Variants in PLA2G12B observed in about 807,000 individuals in gnomAD.
The protein encoded by PLA2G12B is group XIIB secretory phospholipase A2-like protein.
PLA2G12B carries 19 observed loss-of-function variants against 22.3 expected under a neutral mutation model. The ratio of observed to expected loss-of-function variants is 0.85; its 90% CI spans 0.60 to 1.25. The LOEUF (loss-of-function observed/expected upper bound fraction) is 1.25. PLA2G12B is among the 50% of genes most tolerant of loss of function. The probability of loss-of-function intolerance (pLI) is 0.00; values close to 1 mark genes in which losing one functional copy is unlikely to be tolerated. For synonymous variants in PLA2G12B, 81 were observed against 94.9 expected (o/e 0.85, Z 0.85); for missense variants, 191 against 246.6 (o/e 0.77, Z 1.51).
At position 72,935,526 on chromosome 10, in the gene PLA2G12B, G is replaced by T; in HGVS notation, c.*91C>A. ...CTTTGTGGTGTCCAAACTGTTGGAA[G>T]AACGAATGAGTCACGCTGACTCGAA... On this transcript the variant is annotated 3_prime_UTR_variant, in exon 4 of 4. Transcript: ENST00000373032. 6.5e-7 allele frequency: 1 copy of T among 1,541,104 alleles called. No individual in the cohort carries two copies. Among genetic ancestry groups the T allele is most frequent in the South Asian group, 1.2e-5 (1 of 80,394 alleles).
In PLA2G12B at chr10:72,950,626, C is replaced by T. The variant is rs1236254307; in HGVS notation, c.211+3849G>A. Among the ~76,000 whole-genome samples, 6 of 152,126 alleles carry T rather than the reference C, an allele frequency of 3.9e-5. No homozygotes were observed. In the East Asian group the frequency reaches 5.8e-4, roughly 15 times the overall value. On this transcript the variant is annotated intron_variant, in intron 1 of 3. Transcript: ENST00000373032. ...CTCCCAGGTAGCTGGGATTACAGGGCGCGCCACCACGCCCGGCTAATTTTT... is the reference window on the plus strand; with the variant it reads ...CTCCCAGGTAGCTGGGATTACAGGGTGCGCCACCACGCCCGGCTAATTTTT...
chr10:72,942,149 G>GGTGT (rs34740594), intron 2 of PLA2G12B, among the ~76,000 whole-genome samples: 2,892 of 135,968 alleles, frequency 0.021, 50 homozygotes, highest in East Asian at 0.048. Flanking sequence ...CAGGGCGTCG[G>GGTGT]GTGTGTGTGT....
Position 72,954,384 on chromosome 10 carries a change from G to A in PLA2G12B, c.211+91C>T, listed in dbSNP as rs1391217826. On this transcript the variant is annotated intron_variant, in intron 1 of 3. Coordinates refer to ENST00000373032, the MANE Select transcript of PLA2G12B (RefSeq NM_032562.5). Reference sequence around the variant, plus strand: ...ATCTGGCAGCTCTAAGTGGATAACAGGAAAAAGTGCAAGACAGATCGTGAC... The same window carrying A: ...ATCTGGCAGCTCTAAGTGGATAACAAGAAAAAGTGCAAGACAGATCGTGAC... The A allele has an allele frequency of 4.0e-6, 6 of 1,518,366 alleles. No homozygotes were observed. The Admixed American group carries it at 7.1e-5, about 18-fold the overall frequency. The allele number at this position is 1,518,366 out of a possible 1,614,324, so 94.1% of individuals were successfully genotyped here. A position where few individuals can be genotyped will look rare whatever the true frequency, so the allele number is the denominator to read the frequency against.
At chr10:72,950,218 C>G (rs992821339) in intron 1 of PLA2G12B, among the ~76,000 whole-genome samples, 2 of 152,158 alleles carry the variant, frequency 1.3e-5, no homozygotes, top group African/African-American at 2.4e-5. Context: ...CTGAAAGTCT[C>G]ACATCCCAGG....
At chr10:72,953,899 T>A (rs1352962470) in intron 1 of PLA2G12B, among the ~76,000 whole-genome samples, 1 of 152,196 alleles carries the variant, frequency 6.6e-6, no homozygotes, top group African/African-American at 2.4e-5. Context: ...GACAGCTCCC[T>A]TGAGAAAGTC....
chr10:72,938,095 AAG>A (rs1846305412), intron 3 of PLA2G12B, among the ~76,000 whole-genome samples: 1 of 151,328 alleles, frequency 6.6e-6, no homozygotes, highest in Non-Finnish European at 1.5e-5. Flanking sequence ...GCCTGGGTGT[AAG>A]AGTGAAACTC....
Position 72,954,471 on chromosome 10 carries a change from T to A in PLA2G12B, c.211+4A>T, listed in dbSNP as rs918435737. The A allele has an allele frequency of 1.9e-6, 3 of 1,614,024 alleles. No homozygotes were observed. In the African/African-American group the frequency reaches 4.0e-5, roughly 22 times the overall value. ...TTTTACAGAAAGAGAAACCGCACAC[T>A]CACCATATCGGCACCTGTACTGACA... On this transcript the variant is annotated splice_donor_region_variant and intron_variant, in intron 1 of 3. Coordinates refer to ENST00000373032, the MANE Select transcript of PLA2G12B (RefSeq NM_032562.5).
In PLA2G12B at chr10:72,954,615, C is replaced by G. The variant is rs770919510; in HGVS notation, c.71G>C (p.Ser24Thr). The change falls in exon 1 of 4, where the codon AGC becomes ACC. Residue 24 changes from serine (S) to threonine (T), a missense_variant. Ser to Thr is a moderately conservative substitution (Grantham distance 58). Coordinates refer to ENST00000373032, the MANE Select transcript of PLA2G12B (RefSeq NM_032562.5). ...TGAATAGGACTCCTCCGTGTCAGGG[C>G]TCGTGTCGCTCTGAGCCAGGCCACC... ...LGGGLAQSDTSPDTEESYSDW... is the reference protein window; with the variant it reads ...LGGGLAQSDTTPDTEESYSDW... 1.2e-6 allele frequency: 2 copies of G among 1,614,168 alleles called. No homozygotes were observed. The highest frequency in any genetic ancestry group is 1.7e-6 in the Non-Finnish European group (2 of 1,180,038).
In PLA2G12B at chr10:72,954,761, AC is replaced by A; in HGVS notation, c.-77del. ...CCAGAATTCCAGGGACAAACCCCCT[AC>A]CCAGATGTCAGGCAGGACTGGGAAA... is the stretch of plus-strand genomic sequence containing the variant. On this transcript the variant is annotated 5_prime_UTR_variant, in exon 1 of 4. An upstream open reading frame in the 5' UTR gains an earlier in-frame stop. Coordinates refer to ENST00000373032, the MANE Select transcript of PLA2G12B (RefSeq NM_032562.5). The A allele has an allele frequency of 1.4e-6, 2 of 1,468,028 alleles. No individual in the cohort carries two copies. The highest frequency in any genetic ancestry group is 1.9e-6 in the Non-Finnish European group (2 of 1,066,456). The allele number at this position is 1,468,028 out of a possible 1,614,324, so 90.9% of individuals were successfully genotyped here.
At chr10:72,954,362 TG>T in intron 1 of PLA2G12B, 112 bp downstream of exon 1, 2 of 1,271,250 alleles carry the variant, frequency 1.6e-6, no homozygotes, top group Non-Finnish European at 2.2e-6. Context: ...CTGCTAAATC[TG>T]GCAGCTCTAA....
At chr10:72,941,379 C>A in intron 2 of PLA2G12B, 45 bp from the exon 3 acceptor site, 2 of 1,577,682 alleles carry the variant, frequency 1.3e-6, no homozygotes, top group East Asian at 2.2e-5. Flanking sequence ...AGAAATGCCA[C>A]GTTTAGACTA....
chr10:72,938,675 T>C (rs1589537430), intron 3 of PLA2G12B, among the ~76,000 whole-genome samples: 1 of 150,468 alleles, frequency 6.6e-6, no homozygotes, highest in South Asian at 2.1e-4. Flanking sequence ...TTGAAATAAA[T>C]TAAAGAAGAC....
chr10:72,945,553 C>T (rs1846426345), intron 1 of PLA2G12B, among the ~76,000 whole-genome samples: 1 of 152,176 alleles, frequency 6.6e-6, no homozygotes, highest in Non-Finnish European at 1.5e-5. Flanking sequence ...ATCCCTGACC[C>T]TCAGCAAGTG....
At chr10:72,945,316 A>T (rs1846422603) in intron 1 of PLA2G12B, among the ~76,000 whole-genome samples, 1 of 151,448 alleles carries the variant, frequency 6.6e-6, no homozygotes, top group Non-Finnish European at 1.5e-5. Context: ...GGGCTCTCTT[A>T]CTCTCCCTCT....
chr10:72,941,213 C>A lies in PLA2G12B; in HGVS notation c.422G>T (p.Cys141Phe). The change falls in exon 3 of 4, where the codon TGC becomes TTC. Residue 141 changes from cysteine to phenylalanine, a missense_variant. Coordinates refer to ENST00000373032, the MANE Select transcript of PLA2G12B (RefSeq NM_032562.5). ...AKFRWCLHSI[C>F]SDLKRSLGFV... ...GCCCAGACTCCGCTTAAGGTCAGAG[C>A]AGATCGAGTGGAGACACCATCGGAA... is the stretch of plus-strand genomic sequence containing the variant. 1 of 1,614,116 alleles carries A rather than the reference C, an allele frequency of 6.2e-7. No individual in the cohort carries two copies. Among genetic ancestry groups the A allele is most frequent in the South Asian group, 1.1e-5 (1 of 91,064 alleles).
chr10:72,948,914 T>C (rs1846483829), intron 1 of PLA2G12B, among the ~76,000 whole-genome samples: 1 of 152,134 alleles, frequency 6.6e-6, no homozygotes, highest in Non-Finnish European at 1.5e-5. Flanking sequence ...CCAAGAGCTC[T>C]ACCTGCCAGC....
intron 2 of PLA2G12B, among the ~76,000 whole-genome samples, chr10:72,942,056 G>C (rs977655303): frequency 6.6e-6 from 1 of 151,686 alleles, no homozygotes; most frequent in African/African-American, 2.4e-5. Flanking sequence ...GGCCAAGGTG[G>C]GTGGATCACT....
chr10:72,945,337 T>C (rs1214496979), intron 1 of PLA2G12B, among the ~76,000 whole-genome samples: 1 of 152,098 alleles, frequency 6.6e-6, no homozygotes, highest in Non-Finnish European at 1.5e-5. Flanking sequence ...CTCTCACCGT[T>C]CACTCTAGGG....
chr10:72,951,629 T>G (rs536879405), intron 1 of PLA2G12B, among the ~76,000 whole-genome samples: 1 of 152,124 alleles, frequency 6.6e-6, no homozygotes, highest in Admixed American at 6.5e-5. Flanking sequence ...GGCTAATTTT[T>G]TTTGTATTTT....
Sources: allele counts gnomAD v4.1 joint callset (sites outside exome capture counted in the v4.1 genomes callset), GRCh38; gene constraint gnomAD v4.1.1; transcripts MANE v1.5; gene names NCBI Gene and HGNC (gene_info 2026-07-23, HGNC 2026-07-21).